MNAT1: variants seen among roughly 807,000 people sequenced by gnomAD.
MNAT1 encodes CDK-activating kinase assembly factor MAT1.
In MNAT1, 43 loss-of-function variants were observed where a neutral mutation model predicts 42.0. The ratio of observed to expected loss-of-function variants is 1.02; its 90% CI spans 0.80 to 1.32. The LOEUF is 1.32. Ranked by LOEUF, MNAT1 falls within the 40% of genes most tolerant of loss-of-function variation. The pLI is 0.00. For missense variants in MNAT1, 306 were observed against 350.4 expected (o/e 0.87, Z 1.01); for synonymous variants, 118 against 120.0 (o/e 0.98, Z 0.11).
chr14:60,840,631 G>A (rs543078820), intron 6 of MNAT1, among the ~76,000 whole-genome samples: 1 of 152,094 alleles, frequency 6.6e-6, no homozygotes, highest in Admixed American at 6.5e-5. Context: ...TATAGTCAAA[G>A]AACATATGTT....
At chr14:60,863,274 TA>T (rs2034137213) in intron 6 of MNAT1, among the ~76,000 whole-genome samples, 1 of 152,160 alleles carries the variant, frequency 6.6e-6, no homozygotes, top group South Asian at 2.1e-4. Flanking sequence ...ATGCATAGCT[TA>T]CCTGGGGTTA....
chr14:60,763,749 GC>G (rs904465908), intron 1 of MNAT1, among the ~76,000 whole-genome samples: 1 of 152,134 alleles, frequency 6.6e-6, no homozygotes, highest in African/African-American at 2.4e-5. Flanking sequence ...TGACCAGGAA[GC>G]AGTGTTAGTC....
rs1896439935 is a variant in MNAT1 at position 60,740,811 on chromosome 14, A to T, written c.89+5860A>T. 6.6e-6 allele frequency among the ~76,000 whole-genome samples: 1 copy of T among 152,206 alleles called. No individual in the cohort carries two copies. ...CTGTCTTTGTGAACAATCAGTGTAC[A>T]TTTGAAAAGAATATACATTCTGTGG... On this transcript the variant is annotated intron_variant, in intron 1 of 7. Transcript: ENST00000261245. The surrounding 1 kb of genome is among the most constrained non-coding windows in gnomAD (Gnocchi z 4.1).
chr14:60,894,391 T>A (rs943989680), intron 7 of MNAT1, among the ~76,000 whole-genome samples: 1 of 152,108 alleles, frequency 6.6e-6, no homozygotes, highest in African/African-American at 2.4e-5. Flanking sequence ...TAGTCTTCTA[T>A]GGTGGTGGTA....
intron 6 of MNAT1, among the ~76,000 whole-genome samples, chr14:60,878,428 T>C (rs1420249764): frequency 2.6e-5 from 4 of 152,136 alleles, no homozygotes; most frequent in Non-Finnish European, 5.9e-5. Context: ...AAGTCAGGAC[T>C]GTAAGGTGGA....
intron 1 of MNAT1, among the ~76,000 whole-genome samples, chr14:60,794,649 A>AT (rs2140325097): frequency 1.1e-5 from 1 of 91,920 alleles, no homozygotes; most frequent in African/African-American, 4.1e-5. Flanking sequence ...AAAAAAAAAA[A>AT]AAAAAAAAAA....
chr14:60,803,345 G>T (rs1206146564), intron 3 of MNAT1, among the ~76,000 whole-genome samples: 2 of 152,174 alleles, frequency 1.3e-5, no homozygotes, highest in Non-Finnish European at 2.9e-5. Context: ...TTAATCAGAA[G>T]TATAAAATGT....
At chr14:60,800,554 CAG>C (rs2032170525) in intron 3 of MNAT1, among the ~76,000 whole-genome samples, 1 of 152,004 alleles carries the variant, frequency 6.6e-6, no homozygotes, top group Non-Finnish European at 1.5e-5. Flanking sequence ...AACCAGAAAA[CAG>C]AAAAGGAAAC....
At chr14:60,904,607 A>G (rs2035152980) in intron 7 of MNAT1, among the ~76,000 whole-genome samples, 1 of 152,194 alleles carries the variant, frequency 6.6e-6, no homozygotes, top group Non-Finnish European at 1.5e-5. Context: ...GTGAATGCTC[A>G]TGAGATTACA....
At chr14:60,957,780 AGT>A (rs1234436949) in intron 7 of MNAT1, among the ~76,000 whole-genome samples, 2 of 152,010 alleles carry the variant, frequency 1.3e-5, no homozygotes, top group Non-Finnish European at 2.9e-5. Context: ...CTACCAGTAC[AGT>A]GTTAGGGTAT....
At position 60,908,006 on chromosome 14, in the gene MNAT1, G is replaced by T. The variant is rs75420326; in HGVS notation, c.809+28171G>T. 7.7e-3 allele frequency among the ~76,000 whole-genome samples: 1,167 copies of T among 152,170 alleles called. 9 individuals are homozygous for T. The highest frequency in any genetic ancestry group is 0.027 in the African/African-American group (1,108 of 41,534). On this transcript the variant is annotated intron_variant, in intron 7 of 7. Transcript: ENST00000261245. ...AAAAGTATTCTCCAGGTGACTATGAGCAGAGATAAATTGATGAATCTAACT... is the reference window on the plus strand; with the variant it reads ...AAAAGTATTCTCCAGGTGACTATGATCAGAGATAAATTGATGAATCTAACT...
At chr14:60,843,090 T>C in intron 6 of MNAT1, among the ~76,000 whole-genome samples, 2 of 152,204 alleles carry the variant, frequency 1.3e-5, no homozygotes. Flanking sequence ...CTATTACTAG[T>C]AAAGCAGCTG....
At chr14:60,922,497 T>C (rs1010364469) in intron 7 of MNAT1, among the ~76,000 whole-genome samples, 1 of 152,140 alleles carries the variant, frequency 6.6e-6, no homozygotes, top group Non-Finnish European at 1.5e-5. Context: ...ATTACCAATG[T>C]TGTAGTTAAA....
chr14:60,801,933 C>G (rs1420527156), intron 3 of MNAT1, among the ~76,000 whole-genome samples: 1 of 152,176 alleles, frequency 6.6e-6, no homozygotes, highest in Non-Finnish European at 1.5e-5. Context: ...CCATGGAATA[C>G]TTCAGCCTTA....
At chr14:60,763,482 G>A (rs2030693339) in intron 1 of MNAT1, among the ~76,000 whole-genome samples, 1 of 152,108 alleles carries the variant, frequency 6.6e-6, no homozygotes, top group Non-Finnish European at 1.5e-5. Context: ...GTGATTAAGT[G>A]ACTTGTCTAA....
chr14:60,833,573 A>C (rs945986920), intron 6 of MNAT1, among the ~76,000 whole-genome samples: 2 of 152,134 alleles, frequency 1.3e-5, no homozygotes, highest in Non-Finnish European at 2.9e-5. Context: ...TGGTGGATTC[A>C]GTTTGCCAGT....
chr14:60,868,741 A>G (rs1258872645), intron 6 of MNAT1, among the ~76,000 whole-genome samples: 1 of 152,130 alleles, frequency 6.6e-6, no homozygotes, highest in Non-Finnish European at 1.5e-5. Flanking sequence ...TTTTGTTAAA[A>G]TAACTACTAA....
intron 6 of MNAT1, among the ~76,000 whole-genome samples, chr14:60,846,449 C>T (rs888974417): frequency 2.0e-5 from 3 of 151,674 alleles, no homozygotes; most frequent in Admixed American, 6.6e-5. Context: ...TATGGTTGTC[C>T]TTCTGCTTAT....
chr14:60,891,659 G>T (rs1399791510), intron 7 of MNAT1, among the ~76,000 whole-genome samples: 1 of 152,030 alleles, frequency 6.6e-6, no homozygotes, highest in Non-Finnish European at 1.5e-5. Context: ...TACCACGTTG[G>T]CCAGGCTGGT....
Sources: allele counts gnomAD v4.1 joint callset (sites outside exome capture counted in the v4.1 genomes callset), GRCh38; gene constraint gnomAD v4.1.1; non-coding constraint Gnocchi (gnomAD v3.1); transcripts MANE v1.5; gene names NCBI Gene and HGNC (gene_info 2026-07-23, HGNC 2026-07-21).